TRPM3: variants seen among roughly 807,000 people sequenced by gnomAD.
TRPM3 encodes long transient receptor potential channel 3.
In TRPM3, 77 loss-of-function variants were observed where a neutral mutation model predicts 181.2. The observed-to-expected ratio is 0.42, with a 90% CI of 0.35 to 0.51. TRPM3 has a LOEUF of 0.51. Ranked by LOEUF, TRPM3 falls within the 20% of genes least tolerant of loss-of-function variation. The pLI is 0.01. For missense variants in TRPM3, 1,759 were observed against 2,196.7 expected, an observed-to-expected ratio of 0.80 and a Z score of 3.98; for synonymous variants, 745 against 796.4, an observed-to-expected ratio of 0.94 and a Z score of 1.09.
chr9:70,864,652 T>C (rs2095608263), intron 1 of TRPM3, 141 bp from the exon 2 acceptor site: 2 of 469,720 alleles, frequency 4.3e-6, no homozygotes, highest in Non-Finnish European at 7.2e-6. Flanking sequence ...ATTGTGATTA[T>C]TTCACACATA....
At chr9:70,917,147 G>A (rs1037242084) in intron 1 of TRPM3, 3 of 1,605,628 alleles carry the variant, frequency 1.9e-6, no homozygotes, top group African/African-American at 2.7e-5. Flanking sequence ...GGCCACATCT[G>A]GGGCATACTG....
intron 8 of TRPM3, chr9:70,761,171 T>C (rs2078057884): frequency 2.2e-6 from 1 of 450,862 alleles, no homozygotes; most frequent in Non-Finnish European, 3.9e-6. Context: ...CTCCGTTTTC[T>C]ACCTGTACAG....
intron 1 of TRPM3, among the ~76,000 whole-genome samples, chr9:71,432,607 G>C (rs1473018359): frequency 6.6e-6 from 1 of 152,002 alleles, no homozygotes; most frequent in Non-Finnish European, 1.5e-5. Flanking sequence ...CATTTAGTGT[G>C]GGAGTATCTA....
intron 8 of TRPM3, among the ~76,000 whole-genome samples, chr9:70,755,401 G>A (rs1046755884): frequency 4.7e-5 from 7 of 150,478 alleles, no homozygotes; most frequent in African/African-American, 1.2e-4. Flanking sequence ...ATGGAGTTTC[G>A]CTCTTGTTGC....
intron 7 of TRPM3, among the ~76,000 whole-genome samples, chr9:70,783,188 C>A (rs892808493): frequency 3.3e-5 from 5 of 152,044 alleles, no homozygotes; most frequent in African/African-American, 9.7e-5. Flanking sequence ...AATGTTTGGC[C>A]TAGTACATGG....
At chr9:70,773,849 A>G (rs1190697592) in intron 7 of TRPM3, among the ~76,000 whole-genome samples, 3 of 152,154 alleles carry the variant, frequency 2.0e-5, no homozygotes, top group Non-Finnish European at 4.4e-5. Flanking sequence ...AGACAGCTGG[A>G]TGTCTTATTT....
intron 1 of TRPM3, among the ~76,000 whole-genome samples, chr9:71,201,528 G>A (rs1421715407): frequency 6.6e-6 from 1 of 152,032 alleles, no homozygotes; most frequent in East Asian, 1.9e-4. Context: ...ACGTAGATTT[G>A]GTCTTTTCAC....
At chr9:70,673,648 G>C (rs574066798) in intron 9 of TRPM3, among the ~76,000 whole-genome samples, 2 of 152,250 alleles carry the variant, frequency 1.3e-5, no homozygotes, top group East Asian at 3.9e-4. Context: ...AGAGCCATAG[G>C]ATGGGCACAG....
intron 1 of TRPM3, among the ~76,000 whole-genome samples, chr9:70,914,105 G>A (rs2096566126): frequency 6.6e-6 from 1 of 152,178 alleles, no homozygotes; most frequent in African/African-American, 2.4e-5. Context: ...AGTATTAAGA[G>A]GTTAGGTCCT....
At position 70,921,946 on chromosome 9, in the gene TRPM3, C is replaced by A. The variant is rs867363590; in HGVS notation, c.178-57435G>T. On this transcript the variant is annotated intron_variant, in intron 1 of 25. Coordinates refer to ENST00000677713, the MANE Select transcript of TRPM3 (RefSeq NM_001366145.2). Reference sequence around the variant, plus strand: ...ACACACACACACACACAAACAAACACACACACACACACACACACACACACA... The same window carrying A: ...ACACACACACACACACAAACAAACAAACACACACACACACACACACACACA... Among the ~76,000 whole-genome samples, 1,118 of 146,734 alleles carry A rather than the reference C, an allele frequency of 7.6e-3. 10 individuals are homozygous for A. Among genetic ancestry groups the A allele is most frequent in the Middle Eastern group, 0.014 (4 of 282 alleles).
At chr9:71,088,544 G>A (rs1266218908) in intron 1 of TRPM3, among the ~76,000 whole-genome samples, 3 of 152,140 alleles carry the variant, frequency 2.0e-5, no homozygotes, top group African/African-American at 7.2e-5. Context: ...TACATATGCT[G>A]CTTCTCTCTG....
At chr9:70,693,409 C>G (rs73647136) in intron 8 of TRPM3, among the ~76,000 whole-genome samples, 1 of 152,112 alleles carries the variant, frequency 6.6e-6, no homozygotes, top group South Asian at 2.1e-4. Context: ...ACACCCAGAA[C>G]CAGAGACAGT....
intron 1 of TRPM3, among the ~76,000 whole-genome samples, chr9:71,183,501 C>G (rs1306927522): frequency 6.6e-6 from 1 of 152,132 alleles, no homozygotes; most frequent in Non-Finnish European, 1.5e-5. Context: ...CTGCAAATCA[C>G]CCTGACAACA....
At chr9:70,935,376 G>A (rs1430845485) in intron 1 of TRPM3, among the ~76,000 whole-genome samples, 1 of 152,170 alleles carries the variant, frequency 6.6e-6, no homozygotes, top group Non-Finnish European at 1.5e-5. Flanking sequence ...AGAGTATCAT[G>A]GCATTTGATG....
At chr9:71,067,921 G>A (rs1353919617) in intron 1 of TRPM3, among the ~76,000 whole-genome samples, 1 of 152,122 alleles carries the variant, frequency 6.6e-6, no homozygotes, top group East Asian at 1.9e-4. Flanking sequence ...AGGGTGCTAG[G>A]CAATGTTGGT....
chr9:71,005,148 C>A (rs1435481052), intron 1 of TRPM3, among the ~76,000 whole-genome samples: 1 of 152,086 alleles, frequency 6.6e-6, no homozygotes. Flanking sequence ...GTGGCTCATG[C>A]CTGTAATCCA....
At chr9:71,049,501 C>T (rs945298634) in intron 1 of TRPM3, among the ~76,000 whole-genome samples, 3 of 152,200 alleles carry the variant, frequency 2.0e-5, no homozygotes, top group African/African-American at 7.2e-5. Flanking sequence ...CTGAAAGCAA[C>T]ATTTTATAAT....
chr9:70,615,109 G>A (rs908076922), intron 18 of TRPM3, among the ~76,000 whole-genome samples: 1 of 152,188 alleles, frequency 6.6e-6, no homozygotes, highest in Non-Finnish European at 1.5e-5. Flanking sequence ...AAGGCCTTTT[G>A]TCACCTGAGC....
chr9:71,145,669 T>C (rs1020229485), intron 1 of TRPM3, among the ~76,000 whole-genome samples: 8 of 152,116 alleles, frequency 5.3e-5, no homozygotes, highest in African/African-American at 1.9e-4. Context: ...TACTACTTAC[T>C]GTTAGTATAC....
Sources: gnomAD v4.1 joint callset for allele counts (sites outside exome capture counted in the v4.1 genomes callset) on GRCh38, gnomAD v4.1.1 for gene constraint, MANE v1.5 for transcripts, NCBI Gene and HGNC (gene_info 2026-07-23, HGNC 2026-07-21) for gene names.